Variants in CCDC112 observed in about 807,000 individuals in gnomAD.
CCDC112 encodes coiled-coil domain-containing protein 112.
In CCDC112, 40 loss-of-function variants were observed where a neutral mutation model predicts 66.3. The ratio of observed to expected loss-of-function variants is 0.60; its 90% confidence interval spans 0.47 to 0.79. CCDC112 has a LOEUF of 0.79. CCDC112 is among the 30% of genes least tolerant of loss of function. The probability of loss-of-function intolerance (pLI) is 0.00; values close to 1 mark genes in which losing one functional copy is unlikely to be tolerated. For synonymous variants in CCDC112, 214 were observed against 197.2 expected (o/e 1.09, Z -0.71); for missense variants, 659 against 603.8 (o/e 1.09, Z -0.96).
At position 115,287,765 on chromosome 5, in the gene CCDC112, T is replaced by C. The variant is rs1444895422; in HGVS notation, c.118-2857A>G. On this transcript the variant is annotated intron_variant, in intron 1 of 9. Transcript: ENST00000379611. The stretch of plus-strand genomic sequence containing the variant: ...TCTTATGTTGCCCAGGTTGGACTCC[T>C]GGGCTCAAATGATCCTCTCATCTCA... Among the ~76,000 whole-genome samples, 3 of 147,450 alleles carry C rather than the reference T, an allele frequency of 2.0e-5. No individual in the cohort carries two copies. In the Admixed American group the frequency reaches 2.1e-4, roughly 10 times the overall value.
intron 1 of CCDC112, 35 bp downstream of exon 1, chr5:115,296,392 G>GC (rs1198462244): frequency 6.4e-7 from 1 of 1,551,610 alleles, no homozygotes; most frequent in Middle Eastern, 2.3e-4. Context: ...CCCCTCGCCT[G>GC]CCGCCAGAGC....
At chr5:115,271,114 G>T in intron 7 of CCDC112, 99 bp downstream of exon 7, 1 of 1,082,586 alleles carries the variant, frequency 9.2e-7, no homozygotes, top group Non-Finnish European at 1.3e-6. Context: ...GCTATACACA[G>T]GTCCAATATA....
chr5:115,289,736 G>C (rs142407490), intron 1 of CCDC112, among the ~76,000 whole-genome samples: 1 of 152,120 alleles, frequency 6.6e-6, no homozygotes, highest in African/African-American at 2.4e-5. Flanking sequence ...CTTTTGCAGC[G>C]GCTTAATCCC....
At chr5:115,295,996 T>G in intron 1 of CCDC112, 1 of 988,650 alleles carries the variant, frequency 1.0e-6, no homozygotes, top group Non-Finnish European at 1.2e-6. Context: ...TTTCTCCTTG[T>G]GTTCCCAGCG....
intron 3 of CCDC112, among the ~76,000 whole-genome samples, chr5:115,278,338 T>C (rs936404366): frequency 6.6e-6 from 1 of 151,736 alleles, no homozygotes; most frequent in Admixed American, 6.6e-5. Context: ...CTATTGGAGG[T>C]AAGGAATAGG....
rs1445623853 is a variant in CCDC112, at chr5:115,290,848, G to A, written c.117+5579C>T. Among the ~76,000 whole-genome samples, 6 of 152,136 alleles carry A rather than the reference G, an allele frequency of 3.9e-5. No homozygotes were observed. The South Asian group carries it at 1.0e-3, about 26-fold the overall frequency. On this transcript the variant is annotated intron_variant, in intron 1 of 9. Coordinates refer to ENST00000379611, the MANE Select transcript of CCDC112 (RefSeq NM_001040440.3). ...TGATCTTGTATTCTGCAACCTTGCTGTACTTGTTTATTAGTTTTCTAGTAA... is the reference window on the plus strand; with the variant it reads ...TGATCTTGTATTCTGCAACCTTGCTATACTTGTTTATTAGTTTTCTAGTAA...
At chr5:115,288,363 A>C (rs1207773434) in intron 1 of CCDC112, among the ~76,000 whole-genome samples, 1 of 152,234 alleles carries the variant, frequency 6.6e-6, no homozygotes, top group African/African-American at 2.4e-5. Context: ...ATCAAGTACC[A>C]GTATCTTCAC....
rs773145924 is a variant in CCDC112 at position 115,269,816 on chromosome 5, A to G, written c.1333-18T>C. On this transcript the variant is annotated intron_variant, in intron 7 of 9. Transcript: ENST00000379611. ...TGTAAATCCTTAAAAAAAAAAACCC[A>G]TAGCATTAAGAAAGCATGTGAACTA... The G allele has an allele frequency of 3.4e-6, 5 of 1,458,158 alleles. No individual in the cohort carries two copies. Among genetic ancestry groups the G allele is most frequent in the Non-Finnish European group, 3.7e-6 (4 of 1,082,138 alleles). The allele number at this position is 1,458,158 out of a possible 1,614,324, so 90.3% of individuals were successfully genotyped here.
intron 2 of CCDC112, 112 bp from the exon 3 acceptor site, chr5:115,279,880 G>T: frequency 1.6e-6 from 1 of 631,794 alleles, no homozygotes; most frequent in Non-Finnish European, 2.6e-6. Flanking sequence ...TTCATCTATG[G>T]AATAAAAATA....
At position 115,276,855 on chromosome 5, in the gene CCDC112, G is replaced by C. The variant is rs1749226995; in HGVS notation, c.451+110C>G. On this transcript the variant is annotated intron_variant, in intron 4 of 9. Coordinates refer to ENST00000379611, the MANE Select transcript of CCDC112 (RefSeq NM_001040440.3). ...GTCCTAACCAATAAAGTAGAGTTTAGCTCCATTAATAAACTTAAGTCCTAA... is the reference window on the plus strand; with the variant it reads ...GTCCTAACCAATAAAGTAGAGTTTACCTCCATTAATAAACTTAAGTCCTAA... 4.8e-6 allele frequency: 3 copies of C among 629,830 alleles called. No homozygotes were observed. In the South Asian group the frequency reaches 6.1e-5, roughly 13 times the overall value. 39.0% of individuals were successfully genotyped at this position (629,830 alleles called of 1,614,324 possible). A position where few individuals can be genotyped will look rare whatever the true frequency, so the allele number is the denominator to read the frequency against.
chr5:115,269,660 G>A, intron 8 of CCDC112, 43 bp downstream of exon 8: 4 of 1,326,122 alleles, frequency 3.0e-6, no homozygotes, highest in South Asian at 1.3e-5. Flanking sequence ...ACAAATCAAG[G>A]AATTAGGATA....
chr5:115,268,542 A>G (rs1475278304), intron 9 of CCDC112, among the ~76,000 whole-genome samples: 1 of 151,768 alleles, frequency 6.6e-6, no homozygotes, highest in Non-Finnish European at 1.5e-5. Flanking sequence ...AAGTGCTGGG[A>G]TTACAGGCGT....
chr5:115,268,817 T>A lies in CCDC112; in HGVS notation c.1547+65A>T, dbSNP rs1043960520. 15 of 731,678 alleles carry A rather than the reference T, an allele frequency of 2.1e-5. No homozygotes were observed. The African/African-American group carries it at 2.6e-4, about 13-fold the overall frequency. The allele number at this position is 731,678 out of a possible 1,614,324, so 45.3% of individuals were successfully genotyped here. On this transcript the variant is annotated intron_variant, in intron 9 of 9. Transcript: ENST00000379611. ...AAAAATATAATTTACATATAGTAAG[T>A]GCATAAAATATAAACATGCAGCAAT... is the stretch of plus-strand genomic sequence containing the variant.
chr5:115,267,920 TAAG>T lies in CCDC112; in HGVS notation c.1548-5_1548-3del. The T allele has an allele frequency of 6.2e-7, 1 of 1,609,394 alleles. No individual in the cohort carries two copies. The highest frequency in any genetic ancestry group is 1.1e-5 in the South Asian group (1 of 90,844). ...CCTTGTCTCCAGGTTGGAATAGCCC[TAAG>T]GAGAAAAAGAGAAAAGCAATTGTAA... On this transcript the variant is annotated splice_region_variant and splice_polypyrimidine_tract_variant and intron_variant, in intron 9 of 9. Coordinates refer to ENST00000379611, the MANE Select transcript of CCDC112 (RefSeq NM_001040440.3).
chr5:115,277,965 T>A (rs765471693), intron 3 of CCDC112, among the ~76,000 whole-genome samples: 1 of 152,180 alleles, frequency 6.6e-6, no homozygotes, highest in Non-Finnish European at 1.5e-5. Flanking sequence ...GTAATTATTT[T>A]TTTAAGAAAA....
chr5:115,278,995 C>G (rs2964544), intron 3 of CCDC112, among the ~76,000 whole-genome samples: 26,352 of 151,968 alleles, frequency 0.17, 2,961 homozygotes, highest in Middle Eastern at 0.35. Flanking sequence ...TACAATGAAA[C>G]AAATATTCTC....
Position 115,296,561 on chromosome 5 carries a change from C to T in CCDC112, c.-18G>A. ...GCGGCCATGTTTACCCGCCGAGCTA[C>T]TCGGGCCGCGGCGGCCACCGGTGCC... On this transcript the variant is annotated 5_prime_UTR_variant, in exon 1 of 10. Transcript: ENST00000379611. 1 of 1,460,168 alleles carries T rather than the reference C, an allele frequency of 6.8e-7. No homozygotes were observed. The highest frequency in any genetic ancestry group is 9.0e-7 in the Non-Finnish European group (1 of 1,109,314). The allele number at this position is 1,460,168 out of a possible 1,614,324, so 90.5% of individuals were successfully genotyped here. A position where few individuals can be genotyped will look rare whatever the true frequency, so the allele number is the denominator to read the frequency against.
At position 115,269,780 on chromosome 5, in the gene CCDC112, G is replaced by A. The variant is rs1580793086; in HGVS notation, c.1351C>T (p.Leu451=). 1 of 1,568,044 alleles carries A rather than the reference G, an allele frequency of 6.4e-7. No homozygotes were observed. Among genetic ancestry groups the A allele is most frequent in the East Asian group, 2.3e-5 (1 of 43,484 alleles). ...TTTGCCTGTCTATCTAGAATTTTCA[G>A]TTCAAGTTTATGTAAATCCTTAAAA... The part of the protein sequence containing the change: ...FQERDLHKLE[L]KILDRQAKED... The change falls in exon 8 of 10, where the codon CTG becomes TTG. Residue 451 remains leucine, a synonymous_variant. Transcript: ENST00000379611.
chr5:115,282,491 T>A (rs960530238), intron 2 of CCDC112, among the ~76,000 whole-genome samples: 5 of 152,104 alleles, frequency 3.3e-5, no homozygotes, highest in African/African-American at 1.2e-4. Context: ...TGTGTGCCTC[T>A]AGAGAGTACT....
Sources: allele counts gnomAD v4.1 joint callset (sites outside exome capture counted in the v4.1 genomes callset), GRCh38; gene constraint gnomAD v4.1.1; transcripts MANE v1.5; gene names NCBI Gene and HGNC (gene_info 2026-07-23, HGNC 2026-07-21).